Variants in SPOCK3 observed in about 807,000 individuals in gnomAD.
SPOCK3 encodes the protein testican-3.
In SPOCK3, 30 loss-of-function variants were observed where a neutral mutation model predicts 56.6. That is an observed-to-expected ratio of 0.53 (90% CI 0.40 to 0.72). SPOCK3 has a LOEUF of 0.72. SPOCK3 is among the 30% of genes least tolerant of loss of function. The probability of loss-of-function intolerance (pLI) is 0.00; values close to 1 mark genes in which losing one functional copy is unlikely to be tolerated. For missense variants in SPOCK3, 527 were observed against 530.0 expected, an observed-to-expected ratio of 0.99 and a Z score of 0.06; for synonymous variants, 196 against 183.3, an observed-to-expected ratio of 1.07 and a Z score of -0.56.
intron 3 of SPOCK3, among the ~76,000 whole-genome samples, chr4:167,036,253 C>G (rs1237462203): frequency 1.3e-5 from 2 of 152,134 alleles, no homozygotes; most frequent in African/African-American, 2.4e-5. Flanking sequence ...ATATTTAGAA[C>G]TGATCATTTG....
chr4:167,007,285 T>C (rs1749561200), intron 3 of SPOCK3, among the ~76,000 whole-genome samples: 1 of 152,148 alleles, frequency 6.6e-6, no homozygotes, highest in Admixed American at 6.6e-5. Context: ...AAGACCCTTA[T>C]ATAAAATGGT....
intron 7 of SPOCK3, among the ~76,000 whole-genome samples, chr4:166,779,438 T>G (rs756730147): frequency 6.6e-5 from 10 of 151,632 alleles, no homozygotes; most frequent in Non-Finnish European, 1.2e-4. Flanking sequence ...AAACTAACAG[T>G]AGAGAAATAT....
rs10015523 is a variant in SPOCK3, at chr4:166,825,739, G to A, written c.590-33450C>T. Among the ~76,000 whole-genome samples, 791 of 152,126 alleles carry A rather than the reference G, an allele frequency of 5.2e-3. 11 individuals carry two copies. Among genetic ancestry groups the A allele is most frequent in the African/African-American group, 0.018 (760 of 41,536 alleles). Reference sequence around the variant, plus strand: ...ATTCAGCCATAAAACAACAGCCTTGGCAACAACTGGATGGAGCTGGAAGCC... The same window carrying A: ...ATTCAGCCATAAAACAACAGCCTTGACAACAACTGGATGGAGCTGGAAGCC... On this transcript the variant is annotated intron_variant, in intron 6 of 10. Coordinates refer to ENST00000357545, the MANE Select transcript of SPOCK3 (RefSeq NM_001040159.2).
intron 2 of SPOCK3, among the ~76,000 whole-genome samples, chr4:167,098,017 A>T (rs970634654): frequency 6.6e-6 from 1 of 151,952 alleles, no homozygotes; most frequent in Non-Finnish European, 1.5e-5. Flanking sequence ...GACCTTCATA[A>T]ATGTGTCCCC....
In SPOCK3 at chr4:167,000,576, C is replaced by T. The variant is rs760933762; in HGVS notation, c.236-113G>A. 86 of 556,258 alleles carry T rather than the reference C, an allele frequency of 1.5e-4. 1 individual carries two copies. Among genetic ancestry groups the T allele is most frequent in the Non-Finnish European group, 2.5e-4 (78 of 316,870 alleles). 34.5% of individuals were successfully genotyped at this position (556,258 alleles called of 1,614,324 possible). On this transcript the variant is annotated intron_variant, in intron 3 of 10. Coordinates refer to ENST00000357545, the MANE Select transcript of SPOCK3 (RefSeq NM_001040159.2). ...TACATAATGCTTAATTGTAAACTTT[C>T]TTCACATTCTTTCTCTATTAAGAGA...
chr4:166,754,474 A>C (rs891586971), intron 8 of SPOCK3, 34 bp downstream of exon 8: 23 of 1,582,356 alleles, frequency 1.5e-5, no homozygotes, highest in Non-Finnish European at 2.0e-5. Context: ...CATGCAGGTC[A>C]ACTATTTGCG....
chr4:166,986,661 G>A (rs973732875), intron 4 of SPOCK3, among the ~76,000 whole-genome samples: 1 of 151,624 alleles, frequency 6.6e-6, no homozygotes, highest in Non-Finnish European at 1.5e-5. Context: ...GGAAAACTAG[G>A]GCAGCAATAA....
intron 2 of SPOCK3, among the ~76,000 whole-genome samples, chr4:167,147,863 A>T (rs1292895330): frequency 2.0e-5 from 3 of 152,066 alleles, no homozygotes; most frequent in African/African-American, 7.2e-5. Context: ...AATGTAGGTG[A>T]CGGGTGGATG....
At chr4:166,783,063 A>T (rs576871975) in intron 7 of SPOCK3, among the ~76,000 whole-genome samples, 1 of 152,294 alleles carries the variant, frequency 6.6e-6, no homozygotes, top group East Asian at 1.9e-4. Flanking sequence ...TTTGTATGAA[A>T]ATGAAGTAGA....
At chr4:166,941,663 G>T (rs1741082739) in intron 4 of SPOCK3, among the ~76,000 whole-genome samples, 1 of 152,162 alleles carries the variant, frequency 6.6e-6, no homozygotes, top group Non-Finnish European at 1.5e-5. Context: ...CAATCGTGTT[G>T]AAATGTCTGT....
intron 6 of SPOCK3, among the ~76,000 whole-genome samples, chr4:166,805,955 G>A (rs1003754581): frequency 6.6e-5 from 10 of 152,052 alleles, no homozygotes; most frequent in African/African-American, 2.4e-4. Context: ...GCATTCAAGT[G>A]TAGTTGCTGT....
At chr4:167,118,262 CATA>C (rs1321446383) in intron 2 of SPOCK3, among the ~76,000 whole-genome samples, 1 of 152,120 alleles carries the variant, frequency 6.6e-6, no homozygotes, top group Non-Finnish European at 1.5e-5. Context: ...GCTTATAGAA[CATA>C]ATGAGAATCA....
chr4:166,942,797 A>G lies in SPOCK3; in HGVS notation c.351-30054T>C, dbSNP rs571659210. On this transcript the variant is annotated intron_variant, in intron 4 of 10. Coordinates refer to ENST00000357545, the MANE Select transcript of SPOCK3 (RefSeq NM_001040159.2). ...GAATTTATAACAACTTAGCAGCTGT[A>G]CTGTAAATAGTGTCTTATAAAAAGT... Among the ~76,000 whole-genome samples the G allele has an allele frequency of 2.0e-3, 298 of 152,342 alleles. 2 individuals carry two copies. Among genetic ancestry groups the G allele is most frequent in the Non-Finnish European group, 2.6e-3 (175 of 68,032 alleles).
At chr4:167,217,355 G>GTT (rs58611456) in intron 2 of SPOCK3, among the ~76,000 whole-genome samples, 3,315 of 150,474 alleles carry the variant, frequency 0.022, 129 homozygotes, top group African/African-American at 0.075. Context: ...ATGTACAGAT[G>GTT]TTTTTTTTTG....
chr4:167,116,625 A>G (rs62652549), intron 2 of SPOCK3, among the ~76,000 whole-genome samples: 16,128 of 124,864 alleles, frequency 0.13, 1,512 homozygotes, highest in Admixed American at 0.22. Context: ...ATATATATAC[A>G]TATATACTAT....
intron 2 of SPOCK3, among the ~76,000 whole-genome samples, chr4:167,212,003 T>A (rs1297415047): frequency 6.6e-6 from 1 of 152,188 alleles, no homozygotes; most frequent in Non-Finnish European, 1.5e-5. Context: ...GACTCCAGCA[T>A]CATTAGGCAA....
chr4:167,216,212 A>T (rs1207804769), intron 2 of SPOCK3, among the ~76,000 whole-genome samples: 2 of 152,052 alleles, frequency 1.3e-5, no homozygotes, highest in Non-Finnish European at 2.9e-5. Context: ...ATATGAACTG[A>T]TCCATTATGT....
chr4:167,083,441 G>C (rs758446439), intron 2 of SPOCK3, among the ~76,000 whole-genome samples: 2 of 152,086 alleles, frequency 1.3e-5, no homozygotes, highest in Non-Finnish European at 2.9e-5. Flanking sequence ...TCCTTTCCCA[G>C]TGCTTCTATC....
intron 6 of SPOCK3, among the ~76,000 whole-genome samples, chr4:166,843,164 C>T (rs1747659399): frequency 6.6e-6 from 1 of 152,132 alleles, no homozygotes; most frequent in Admixed American, 6.5e-5. Context: ...CCCGCGAGTT[C>T]CTCTCCCTCC....
Sources: allele counts gnomAD v4.1 joint callset (sites outside exome capture counted in the v4.1 genomes callset), GRCh38; gene constraint gnomAD v4.1.1; transcripts MANE v1.5; gene names NCBI Gene and HGNC (gene_info 2026-07-23, HGNC 2026-07-21).